Variants in DPP4 observed in about 807,000 individuals in gnomAD.
DPP4 encodes ADCP-2.
DPP4 carries 93 observed loss-of-function variants against 122.4 expected under a neutral mutation model. The ratio of observed to expected loss-of-function variants is 0.76; its 90% CI spans 0.64 to 0.90. The LOEUF (loss-of-function observed/expected upper bound fraction) is 0.90, where lower values mean the gene tolerates loss of function less well. Among genes scored for constraint, DPP4 ranks in the 40% least tolerant of loss-of-function variants. The pLI is 0.00. For missense variants in DPP4, 914 were observed against 907.3 expected, an observed-to-expected ratio of 1.01 and a Z score of -0.09; for synonymous variants, 321 against 302.9, an observed-to-expected ratio of 1.06 and a Z score of -0.62.
chr2:162,046,967 A>G lies in DPP4; in HGVS notation c.233T>C (p.Val78Ala). 6.3e-7 allele frequency: 1 copy of G among 1,598,922 alleles called. No individual in the cohort carries two copies. The highest frequency in any genetic ancestry group is 8.6e-7 in the Non-Finnish European group (1 of 1,166,602). Reference sequence around the variant, plus strand: ...GCTGTTTCCATATTCAGCATTGAATACCAAGATATTATTTTCTTGTTTGTA... The same window carrying G: ...GCTGTTTCCATATTCAGCATTGAATGCCAAGATATTATTTTCTTGTTTGTA... The part of the protein sequence containing the change: ...YLYKQENNIL[V>A]FNAEYGNSSV... Residue 78 changes from valine to alanine, a missense_variant, in exon 4 of 26, where the codon GTA (valine) becomes GCA (alanine). Coordinates refer to ENST00000360534, the MANE Select transcript of DPP4 (RefSeq NM_001935.4).
rs72868637 is a variant in DPP4 at position 162,014,416 on chromosome 2, T to C, written c.1617A>G (p.Lys539=). 8.6e-4 allele frequency: 1,378 copies of C among 1,608,246 alleles called. 2 individuals carry two copies. The highest frequency in any genetic ancestry group is 1.1e-3 in the Non-Finnish European group (1,296 of 1,176,694). The change falls in exon 19 of 26, where the codon AAA becomes AAG. Residue 539 remains lysine (K), a synonymous_variant. Transcript: ENST00000360534. ...ILPPHFDKSK[K]YPLLLDVYAG... ...CTTACACATCTAATAGTAGAGGATATTTCTTGGATTTATCAAAATGAGGAG... is the reference window on the plus strand; with the variant it reads ...CTTACACATCTAATAGTAGAGGATACTTCTTGGATTTATCAAAATGAGGAG...
chr2:162,017,660 G>C (rs2300757), intron 16 of DPP4: 52,032 of 152,768 alleles, frequency 0.34, 9,240 homozygotes, highest in East Asian at 0.65. Flanking sequence ...TTGGATAAGC[G>C]ATTCCTTTCT....
At chr2:162,031,638 A>G (rs1192932748) in intron 10 of DPP4, among the ~76,000 whole-genome samples, 1 of 152,050 alleles carries the variant, frequency 6.6e-6, no homozygotes, top group Admixed American at 6.5e-5. Context: ...CTGGAAGCCA[A>G]CCTGCTCAAT....
At chr2:162,003,591 G>A (rs553346872) in intron 23 of DPP4, among the ~76,000 whole-genome samples, 1 of 152,150 alleles carries the variant, frequency 6.6e-6, no homozygotes, top group Admixed American at 6.5e-5. Context: ...GTTCAAGTGA[G>A]GGATTGGGAT....
intron 23 of DPP4, among the ~76,000 whole-genome samples, chr2:162,000,467 T>G (rs1701119429): frequency 6.6e-6 from 1 of 152,126 alleles, no homozygotes; most frequent in African/African-American, 2.4e-5. Context: ...CAGTCAACAT[T>G]TTATCAGCAC....
chr2:162,020,319 A>ATTTT (rs751779951), intron 13 of DPP4, 23 bp from the exon 14 acceptor site: 2 of 307,358 alleles, frequency 6.5e-6, no homozygotes, highest in Non-Finnish European at 4.1e-6. Flanking sequence ...TTTTTTTTTC[A>ATTTT]AAAAAAAAAA....
intron 11 of DPP4, among the ~76,000 whole-genome samples, chr2:162,024,495 C>T (rs1200427117): frequency 6.6e-6 from 1 of 152,078 alleles, no homozygotes; most frequent in African/African-American, 2.4e-5. Context: ...AGGTGCTGGC[C>T]CTCTTTGGTT....
intron 18 of DPP4, 77 bp from the exon 19 acceptor site, chr2:162,014,542 A>G: frequency 9.7e-7 from 1 of 1,035,356 alleles, no homozygotes; most frequent in Non-Finnish European, 1.5e-6. Context: ...GTCCGTCAGT[A>G]GCAAGTCATT....
intron 2 of DPP4, among the ~76,000 whole-genome samples, chr2:162,066,530 T>A (rs1576075937): frequency 6.6e-6 from 1 of 152,318 alleles, no homozygotes; most frequent in East Asian, 1.9e-4. Context: ...CTGAAATTAT[T>A]TCTGCACTTG....
At chr2:162,037,019 G>A (rs1683801283) in intron 8 of DPP4, among the ~76,000 whole-genome samples, 1 of 152,184 alleles carries the variant, frequency 6.6e-6, no homozygotes, top group Non-Finnish European at 1.5e-5. Flanking sequence ...AGTGTAATTA[G>A]CAGGTAGTGA....
At position 162,020,656 on chromosome 2, in the gene DPP4, A is replaced by G. The variant is rs149435007; in HGVS notation, c.1101T>C (p.Asp367=). 1.6e-4 allele frequency: 257 copies of G among 1,612,448 alleles called. No homozygotes were observed. The highest frequency in any genetic ancestry group is 3.3e-4 in the Middle Eastern group (2 of 6,050). ...TGATGATCTTGTAGAAGCTATTACC[A>G]TCAAGGGTAAAATGAGGTTCTGAAG... ...FRPSEPHFTL[D]GNSFYKIISN... Residue 367 remains aspartate, a synonymous_variant, in exon 13 of 26, where the codon GAT becomes GAC. Coordinates refer to ENST00000360534, the MANE Select transcript of DPP4 (RefSeq NM_001935.4).
chr2:162,029,267 TTAAAA>T, intron 10 of DPP4, among the ~76,000 whole-genome samples: 1 of 152,354 alleles, frequency 6.6e-6, no homozygotes, highest in Admixed American at 6.5e-5. Context: ...TTAAGGATAC[TTAAAA>T]TAAGGTATTT....
At chr2:162,007,036 A>G (rs891506611) in intron 22 of DPP4, among the ~76,000 whole-genome samples, 9 of 152,122 alleles carry the variant, frequency 5.9e-5, no homozygotes, top group Non-Finnish European at 1.3e-4. Context: ...TGCCATTTCT[A>G]TGAAAATCAA....
chr2:162,040,945 G>A (rs1314496521), intron 5 of DPP4, among the ~76,000 whole-genome samples: 1 of 151,876 alleles, frequency 6.6e-6, no homozygotes, highest in Non-Finnish European at 1.5e-5. Context: ...ATGAATCAGA[G>A]CTAACCAGAT....
chr2:162,001,527 G>T (rs1188596349), intron 23 of DPP4, among the ~76,000 whole-genome samples: 1 of 152,062 alleles, frequency 6.6e-6, no homozygotes, highest in Non-Finnish European at 1.5e-5. Context: ...CCAAAATACT[G>T]TTTTTTCTAA....
At chr2:162,005,853 A>T in intron 22 of DPP4, 44 bp from the exon 23 acceptor site, 1 of 1,535,458 alleles carries the variant, frequency 6.5e-7, no homozygotes, top group Non-Finnish European at 8.9e-7. Flanking sequence ...TTCATACAAT[A>T]ACAACTTTTC....
Position 162,011,799 on chromosome 2 carries a change from G to C in DPP4, c.1826C>G (p.Ala609Gly), listed in dbSNP as rs968979403. 1 of 1,613,248 alleles carries C rather than the reference G, an allele frequency of 6.2e-7. No homozygotes were observed. The highest frequency in any genetic ancestry group is 8.5e-7 in the Non-Finnish European group (1 of 1,179,452). The change falls in exon 20 of 26, where the codon GCA (alanine) becomes GGA (glycine). Residue 609 changes from alanine to glycine, a missense_variant. Coordinates refer to ENST00000360534, the MANE Select transcript of DPP4 (RefSeq NM_001935.4). ...TCATCTCCTAGTCACTCACCTGGCT[G>C]CTTCAATTTGATCTTCAACTTCAAA... ...GTFEVEDQIE[A>G]ARQFSKMGFV... is the part of the protein sequence containing the mutation.
At chr2:162,010,518 T>TA (rs2106088101) in intron 20 of DPP4, among the ~76,000 whole-genome samples, 1 of 152,302 alleles carries the variant, frequency 6.6e-6, no homozygotes, top group East Asian at 1.9e-4. Context: ...TGCCACTGTA[T>TA]AAACGCACTA....
intron 18 of DPP4, 121 bp from the exon 19 acceptor site, chr2:162,014,586 A>G: frequency 2.9e-6 from 2 of 680,840 alleles, no homozygotes; most frequent in Non-Finnish European, 4.9e-6. Flanking sequence ...ATGAGAGTAG[A>G]AAAGGAAAAT....
Sources: gnomAD v4.1 joint callset for allele counts (sites outside exome capture counted in the v4.1 genomes callset) on GRCh38, gnomAD v4.1.1 for gene constraint, MANE v1.5 for transcripts, NCBI Gene and HGNC (gene_info 2026-07-23, HGNC 2026-07-21) for gene names.